The following IDO2 variants were observed in gnomAD, a reference collection of about 807,000 sequenced individuals.
IDO2 encodes the protein indoleamine 2,3-dioxygenase-like 1 protein.
A neutral mutation model predicts 45.1 loss-of-function variants in IDO2; 46 were observed. The observed-to-expected ratio is 1.02, with a 90% CI of 0.80 to 1.30. The LOEUF (loss-of-function observed/expected upper bound fraction) is 1.30, where lower values mean the gene tolerates loss of function less well. Ranked by LOEUF, IDO2 falls within the 50% of genes most tolerant of loss-of-function variation. The probability of loss-of-function intolerance (pLI) is 0.00; values close to 1 mark genes in which losing one functional copy is unlikely to be tolerated. For synonymous variants in IDO2, 218 were observed against 184.9 expected, an observed-to-expected ratio of 1.18 and a Z score of -1.45; for missense variants, 544 against 491.8, an observed-to-expected ratio of 1.11 and a Z score of -1.00.
chr8:39,989,603 C>T, intron 7 of IDO2, 118 bp from the exon 8 acceptor site: 1 of 708,472 alleles, frequency 1.4e-6, no homozygotes, highest in Non-Finnish European at 2.3e-6. Context: ...AGGACGTTCC[C>T]AGGAAGCTCT....
At chr8:39,978,382 G>T (rs1808293418) in intron 3 of IDO2, among the ~76,000 whole-genome samples, 1 of 152,220 alleles carries the variant, frequency 6.6e-6, no homozygotes, top group African/African-American at 2.4e-5. Flanking sequence ...CCTGGTAGCC[G>T]AATTCAGAGG....
chr8:39,975,328 C>T (rs1192337471), intron 3 of IDO2, among the ~76,000 whole-genome samples: 2 of 151,888 alleles, frequency 1.3e-5, no homozygotes, highest in African/African-American at 4.8e-5. Flanking sequence ...GACCTCTGTT[C>T]ATCAAAACAG....
At chr8:39,981,035 G>T (rs1474965492) in intron 4 of IDO2, among the ~76,000 whole-genome samples, 1 of 149,536 alleles carries the variant, frequency 6.7e-6, no homozygotes, top group African/African-American at 2.5e-5. Context: ...TACAGGCATG[G>T]GCCCCAGCAC....
chr8:39,961,959 C>T (rs1371193636), intron 2 of IDO2, among the ~76,000 whole-genome samples: 5 of 152,152 alleles, frequency 3.3e-5, no homozygotes, highest in African/African-American at 4.8e-5. Flanking sequence ...TTCTGAAGGG[C>T]CAAATACTAA....
chr8:39,982,741 G>A, exon 5 of IDO2: 2 of 1,605,124 alleles, frequency 1.2e-6, no homozygotes, highest in Non-Finnish European at 1.7e-6. Context: ...ACTTGGTGCT[G>A]ACGAACTGGA....
rs559227300 is a variant in IDO2 at position 39,971,011 on chromosome 8, C to T, written c.195+7308C>T. On this transcript the variant is annotated intron_variant, in intron 3 of 10. Transcript: ENST00000502986. ...CTATCTCTGACCTCGTGATCCACCC[C>T]CCTTGGCCTCCCAAAGTGCTGGGAT... is the stretch of plus-strand genomic sequence containing the variant. Among the ~76,000 whole-genome samples, 5 of 151,860 alleles carry T rather than the reference C, an allele frequency of 3.3e-5. No homozygotes were observed. In the South Asian group the frequency reaches 1.0e-3, roughly 32 times the overall value.
intron 9 of IDO2, among the ~76,000 whole-genome samples, chr8:40,012,604 C>CCACAAACTG (rs1802324442): frequency 6.6e-6 from 1 of 152,100 alleles, no homozygotes; most frequent in Admixed American, 6.6e-5. Context: ...AAAGTCACCC[C>CCACAAACTG]CACAAACTGT....
At chr8:39,970,219 T>C (rs529410430) in intron 3 of IDO2, among the ~76,000 whole-genome samples, 12 of 152,148 alleles carry the variant, frequency 7.9e-5, no homozygotes, top group Admixed American at 5.9e-4. Context: ...AGTAAAAAAG[T>C]TTTAAACCAG....
rs570219809 is a variant in IDO2 at position 39,974,957 on chromosome 8, A to G, written c.196-4110A>G. 1.3e-4 allele frequency among the ~76,000 whole-genome samples: 19 copies of G among 151,156 alleles called. No individual in the cohort carries two copies. In the South Asian group the frequency reaches 4.0e-3, roughly 32 times the overall value. Reference sequence around the variant, plus strand: ...CAAAACAAAACAAAACAAAAGCACAAAATTAGCTGGGTGTGGTGGCATGAG... The same window carrying G: ...CAAAACAAAACAAAACAAAAGCACAGAATTAGCTGGGTGTGGTGGCATGAG... On this transcript the variant is annotated intron_variant, in intron 3 of 10. Transcript: ENST00000502986.
At chr8:39,963,459 G>C (rs1808029732) in intron 2 of IDO2, 149 bp from the exon 3 acceptor site, 1 of 592,772 alleles carries the variant, frequency 1.7e-6, no homozygotes, top group Admixed American at 3.2e-5. Flanking sequence ...GGTGAGCACA[G>C]GGCCTAACTA....
chr8:39,989,744 T>C (rs1248460982), exon 8 of IDO2: 1 of 1,598,370 alleles, frequency 6.3e-7, no homozygotes. Flanking sequence ...CCACGAATGC[T>C]ATCTTGCAGC....
At chr8:40,013,435 C>A in intron 9 of IDO2, 130 bp from the exon 10 acceptor site, 2 of 864,346 alleles carry the variant, frequency 2.3e-6, no homozygotes, top group Non-Finnish European at 3.6e-6. Flanking sequence ...CAAAGATACC[C>A]CCAATCCCTC....
intron 8 of IDO2, chr8:39,995,262 T>C (rs1288619435): frequency 2.6e-4 from 27 of 104,544 alleles, no homozygotes; most frequent in Admixed American, 1.8e-3. Flanking sequence ...CTTCTTCTTC[T>C]TCCTCTTCTT....
intron 6 of IDO2, chr8:39,986,235 T>A (rs1010272412): frequency 6.6e-6 from 1 of 152,262 alleles, no homozygotes; most frequent in African/African-American, 2.4e-5. Flanking sequence ...ACCTTGTTAT[T>A]ACATAGACTG....
At chr8:39,977,681 T>TAAAAA (rs1808282704) in intron 3 of IDO2, among the ~76,000 whole-genome samples, 1 of 152,170 alleles carries the variant, frequency 6.6e-6, no homozygotes, top group South Asian at 2.1e-4. Context: ...ATCCTGTTTC[T>TAAAAA]AAAACAAAAC....
intron 8 of IDO2, among the ~76,000 whole-genome samples, chr8:40,001,500 A>G (rs550326320): frequency 7.8e-4 from 119 of 151,862 alleles, no homozygotes; most frequent in Non-Finnish European, 8.4e-4. Context: ...TGCCCACCTC[A>G]GCCTCCCAAA....
chr8:39,945,795 G>T (rs1032190049), intron 1 of IDO2, among the ~76,000 whole-genome samples: 9 of 152,166 alleles, frequency 5.9e-5, no homozygotes, highest in African/African-American at 2.2e-4. Context: ...AGCTGGTAGT[G>T]AAACCGCCTT....
chr8:40,004,520 AC>A (rs1384210410), intron 8 of IDO2, among the ~76,000 whole-genome samples: 2 of 123,260 alleles, frequency 1.6e-5, no homozygotes, highest in African/African-American at 5.9e-5. Flanking sequence ...GATTAGACAG[AC>A]AGATGATAGA....
chr8:40,005,976 C>T (rs747287701), intron 9 of IDO2, among the ~76,000 whole-genome samples: 19 of 152,220 alleles, frequency 1.2e-4, no homozygotes, highest in Middle Eastern at 6.8e-3. Context: ...CCTTTTTGCT[C>T]CTTTTTTCTT....
Sources: allele counts gnomAD v4.1 joint callset (sites outside exome capture counted in the v4.1 genomes callset), GRCh38; gene constraint gnomAD v4.1.1; transcripts MANE v1.5; gene names NCBI Gene and HGNC (gene_info 2026-07-23, HGNC 2026-07-21).